Variants in MAPK6 observed in about 807,000 individuals in gnomAD.
MAPK6 encodes the protein mitogen-activated protein kinase 6, also known as ERK-3.
Under a neutral mutation model 59.3 loss-of-function variants are expected in MAPK6, and 19 were observed. That is an observed-to-expected ratio of 0.32 (90% CI 0.22 to 0.47). MAPK6 has a LOEUF of 0.47. MAPK6 is among the 20% of genes least tolerant of loss of function. The probability of loss-of-function intolerance (pLI) is 1.00; values close to 1 mark genes in which losing one functional copy is unlikely to be tolerated. For missense variants in MAPK6, 724 were observed against 847.9 expected, an observed-to-expected ratio of 0.85 and a Z score of 1.81; for synonymous variants, 316 against 290.3, an observed-to-expected ratio of 1.09 and a Z score of -0.90.
chr15:52,003,061 C>G (rs1266294646), intron 2 of MAPK6, among the ~76,000 whole-genome samples: 2 of 152,040 alleles, frequency 1.3e-5, no homozygotes. Context: ...GTGGTGCATG[C>G]CTGTAATCCC....
chr15:52,034,323 G>GT (rs535032298), intron 1 of MAPK6, among the ~76,000 whole-genome samples: 3,206 of 142,756 alleles, frequency 0.022, 60 homozygotes, highest in African/African-American at 0.048. Context: ...TTTGTCGTTC[G>GT]TTTTTTTTTT....
At chr15:52,049,351 ATTTTTT>A (rs60965378) in intron 2 of MAPK6, among the ~76,000 whole-genome samples, 5 of 109,734 alleles carry the variant, frequency 4.6e-5, no homozygotes, top group African/African-American at 1.4e-4. Context: ...GAGTTATATA[ATTTTTT>A]TTTTTTTTTT....
chr15:52,006,553 G>A (rs2057259318), intron 3 of MAPK6, among the ~76,000 whole-genome samples: 1 of 152,202 alleles, frequency 6.6e-6, no homozygotes, highest in South Asian at 2.1e-4. Context: ...CAATCATTGT[G>A]TGAGAATATC....
At chr15:52,017,364 T>C (rs573289773), upstream of MAPK6, 1 of 152,142 alleles carries the variant, frequency 6.6e-6, no homozygotes, top group East Asian at 1.9e-4. Context: ...TTACAAGGAA[T>C]CTTCTTAAGG....
rs56978128 is a variant in MAPK6 at position 51,980,293 on chromosome 15, T to TAA, written c.-879-2902_-879-2901dup. Among the ~76,000 whole-genome samples, 2 of 142,928 alleles carry TAA rather than the reference T, an allele frequency of 1.4e-5. 1 individual carries two copies. Among genetic ancestry groups the TAA allele is most frequent in the Non-Finnish European group, 3.1e-5 (2 of 64,996 alleles). 93.8% of individuals were successfully genotyped at this position (142,928 alleles called of 152,430 possible). A position where few individuals can be genotyped will look rare whatever the true frequency, so the allele number is the denominator to read the frequency against. ...CTGGGTGACAAGAACAAAACTGTCT[T>TAA]AAAAAAAAAAAAGAAAAAAAAATGT... On this transcript the variant is annotated intron_variant, in intron 1 of 7. Coordinates refer to the MAPK6 transcript ENST00000691380.
intron 3 of MAPK6, among the ~76,000 whole-genome samples, chr15:52,007,439 C>T (rs570859775): frequency 2.0e-5 from 3 of 152,194 alleles, no homozygotes; most frequent in African/African-American, 7.2e-5. Context: ...TTTTTTTCCT[C>T]CTGCTCTCTC....
intron 3 of MAPK6, among the ~76,000 whole-genome samples, chr15:52,055,445 T>C (rs190856404): frequency 6.6e-6 from 1 of 152,316 alleles, no homozygotes. Flanking sequence ...TGAAAAATCA[T>C]TTGGTCATGC....
At chr15:52,056,942 CA>C (rs1192179973) in intron 3 of MAPK6, 1 of 152,210 alleles carries the variant, frequency 6.6e-6, no homozygotes, top group Non-Finnish European at 1.5e-5. Context: ...TGTCTAATAA[CA>C]AAGTTAACCT....
chr15:52,043,741 G>GTTTT (rs2031503189), intron 1 of MAPK6, among the ~76,000 whole-genome samples: 2 of 55,620 alleles, frequency 3.6e-5, no homozygotes, highest in Non-Finnish European at 8.0e-5. Flanking sequence ...TAAGTTGTTT[G>GTTTT]ATTTTTTTTT....
intron 1 of MAPK6, among the ~76,000 whole-genome samples, chr15:51,976,252 C>T (rs1361443436): frequency 1.6e-5 from 2 of 128,588 alleles, no homozygotes; most frequent in African/African-American, 3.0e-5. Context: ...GGTGACAAAG[C>T]GAGACTCCCA....
At chr15:52,043,111 G>A (rs2031478705) in intron 1 of MAPK6, among the ~76,000 whole-genome samples, 1 of 152,002 alleles carries the variant, frequency 6.6e-6, no homozygotes, top group Admixed American at 6.6e-5. Flanking sequence ...TGGCCTGGAT[G>A]ACAGAGCAAT....
upstream of MAPK6, among the ~76,000 whole-genome samples, chr15:52,016,431 A>C (rs879839611): frequency 2.0e-5 from 3 of 152,008 alleles, no homozygotes; most frequent in Non-Finnish European, 4.4e-5. Context: ...AAAACCAACT[A>C]CATTGACATG....
chr15:51,978,487 A>G (rs1403811688), intron 1 of MAPK6, among the ~76,000 whole-genome samples: 3 of 151,954 alleles, frequency 2.0e-5, no homozygotes, highest in Non-Finnish European at 4.4e-5. Flanking sequence ...GCAGGGGCTG[A>G]CCAGCATCCT....
At chr15:52,040,089 A>G (rs1348986574) in intron 1 of MAPK6, among the ~76,000 whole-genome samples, 1 of 152,230 alleles carries the variant, frequency 6.6e-6, no homozygotes. Flanking sequence ...TCAAAAATGC[A>G]GTGAGCAAGC....
At chr15:51,972,550 G>A (rs1367695397) in intron 1 of MAPK6, among the ~76,000 whole-genome samples, 1 of 150,494 alleles carries the variant, frequency 6.6e-6, no homozygotes, top group Non-Finnish European at 1.5e-5. Flanking sequence ...TTGGCCGGGC[G>A]CGGTCGCTCA....
chr15:52,023,210 T>TA (rs1446376508), intron 1 of MAPK6, among the ~76,000 whole-genome samples: 2 of 152,198 alleles, frequency 1.3e-5, no homozygotes, highest in African/African-American at 4.8e-5. Flanking sequence ...TGAGCCTTCT[T>TA]ACCACTGCTA....
rs1223285006 is a variant in MAPK6, at chr15:52,064,868, C to T, written c.2034C>T (p.Gly678=). The stretch of plus-strand genomic sequence containing the variant: ...TTAACAAGCAGCTCGAGTCCATAGG[C>T]ATCCCACAGTTTCACAGTCCAGTTG... ...FLFNKQLESI[G]IPQFHSPVGS... The change falls in exon 6 of 6, where the codon GGC becomes GGT. Residue 678 remains glycine, a synonymous_variant. Coordinates refer to ENST00000261845, the MANE Select transcript of MAPK6 (RefSeq NM_002748.4). The T allele has an allele frequency of 6.2e-6, 10 of 1,611,976 alleles. No homozygotes were observed. The highest frequency in any genetic ancestry group is 8.5e-6 in the Non-Finnish European group (10 of 1,179,824).
intron 3 of MAPK6, 113 bp from the exon 4 acceptor site, chr15:52,058,520 A>G (rs2032069792): frequency 1.2e-6 from 1 of 850,322 alleles, no homozygotes; most frequent in South Asian, 2.2e-5. Flanking sequence ...TGATGATACA[A>G]TTCAAACTTT....
chr15:51,999,196 C>T (rs1432032905), intron 2 of MAPK6, among the ~76,000 whole-genome samples: 1 of 150,742 alleles, frequency 6.6e-6, no homozygotes, highest in Non-Finnish European at 1.5e-5. Flanking sequence ...CAGAGTTTCA[C>T]CATGTTGGCC....
Sources: allele counts gnomAD v4.1 joint callset (sites outside exome capture counted in the v4.1 genomes callset), GRCh38; gene constraint gnomAD v4.1.1; transcripts MANE v1.5; gene names NCBI Gene and HGNC (gene_info 2026-07-23, HGNC 2026-07-21).